Variants in ZNF18 observed in about 807,000 individuals in gnomAD.
ZNF18 encodes zinc finger protein 18.
In ZNF18, 42 loss-of-function variants were observed where a neutral mutation model predicts 58.1. That is an observed-to-expected ratio of 0.72 (90% CI 0.56 to 0.93). ZNF18 has a LOEUF of 0.93. Among genes scored for constraint, ZNF18 ranks in the 40% least tolerant of loss-of-function variants. The pLI is 0.00. For synonymous variants in ZNF18, 231 were observed against 239.8 expected, an observed-to-expected ratio of 0.96 and a Z score of 0.34; for missense variants, 540 against 644.2, an observed-to-expected ratio of 0.84 and a Z score of 1.75.
the ZNF18 span, chr17:12,011,171 A>T: frequency 1.7e-6 from 1 of 574,226 alleles, no homozygotes; most frequent in Non-Finnish European, 3.2e-6. Context: ...GTTTTCTAAA[A>T]CTCCTGGAGA....
Position 11,991,004 on chromosome 17 carries a change from T to G in ZNF18, c.547A>C (p.Lys183Gln). Reference sequence around the variant, plus strand: ...TCTGCTTCTGTGTCAGATTCCTCTTTCACGATGTGGCTCAGAAGCTCCCCA... The same window carrying G: ...TCTGCTTCTGTGTCAGATTCCTCTTGCACGATGTGGCTCAGAAGCTCCCCA... ...GPGELLSHIV[K>Q]EESDTEAELA... Residue 183 changes from lysine (K) to glutamine (Q), a missense_variant, in exon 3 of 7, where the codon AAA becomes CAA. Coordinates refer to ENST00000580306, the MANE Select transcript of ZNF18 (RefSeq NM_001303281.2). 1.2e-6 allele frequency: 2 copies of G among 1,614,164 alleles called. No homozygotes were observed. Among genetic ancestry groups the G allele is most frequent in the Non-Finnish European group, 1.7e-6 (2 of 1,180,016 alleles).
chr17:11,982,675 T>C (rs1390617274), intron 6 of ZNF18, among the ~76,000 whole-genome samples: 2 of 150,850 alleles, frequency 1.3e-5, no homozygotes, highest in Non-Finnish European at 3.0e-5. Flanking sequence ...TGTGTGTGTG[T>C]GTGTGTGTGT....
chr17:11,992,910 C>T lies in ZNF18; in HGVS notation c.-81G>A. On this transcript the variant is annotated splice_region_variant and 5_prime_UTR_variant, in exon 2 of 7. Coordinates refer to ENST00000580306, the MANE Select transcript of ZNF18 (RefSeq NM_001303281.2). ...GGCAAGAACTAGGTCTTCACCAGGA[C>T]ACTAAAAAGGGAATGAGATTGAGTG... is the stretch of plus-strand genomic sequence containing the variant. 1 of 1,464,866 alleles carries T rather than the reference C, an allele frequency of 6.8e-7. No homozygotes were observed. Among genetic ancestry groups the T allele is most frequent in the South Asian group, 1.3e-5 (1 of 75,278 alleles). 90.7% of individuals were successfully genotyped at this position (1,464,866 alleles called of 1,614,324 possible). A position where few individuals can be genotyped will look rare whatever the true frequency, so the allele number is the denominator to read the frequency against.
At chr17:12,010,344 G>A in the ZNF18 span, among the ~76,000 whole-genome samples, 1 of 152,004 alleles carries the variant, frequency 6.6e-6, no homozygotes, top group South Asian at 2.1e-4. Flanking sequence ...AAAGTTTTGT[G>A]TAAGTAAAAT....
intron 1 of ZNF18, among the ~76,000 whole-genome samples, chr17:11,995,327 T>G (rs1177811246): frequency 6.6e-6 from 1 of 150,518 alleles, no homozygotes; most frequent in Admixed American, 6.6e-5. Context: ...GCAGGAGAAT[T>G]GCTTGAACCC....
chr17:12,004,486 T>A, the ZNF18 span, among the ~76,000 whole-genome samples: 2 of 152,208 alleles, frequency 1.3e-5, no homozygotes, highest in Non-Finnish European at 1.5e-5. Context: ...GTTACACTTC[T>A]AACTTGAGTC....
chr17:12,012,777 G>A, the ZNF18 span, among the ~76,000 whole-genome samples: 4 of 152,168 alleles, frequency 2.6e-5, no homozygotes, highest in Admixed American at 6.6e-5. Context: ...CTGGGCTCAA[G>A]TGATCCTCCT....
At chr17:12,002,451 A>G (rs1968676012), upstream of ZNF18, 1 of 152,150 alleles carries the variant, frequency 6.6e-6, no homozygotes, top group Non-Finnish European at 1.5e-5. Context: ...TTAATTAGGG[A>G]AAAAAATAGT....
In ZNF18 at chr17:11,978,576, G is replaced by C; in HGVS notation, c.1031C>G (p.Pro344Arg). The change falls in exon 7 of 7, where the codon CCT (proline) becomes CGT (arginine). Residue 344 changes from proline to arginine, a missense_variant. Coordinates refer to ENST00000580306, the MANE Select transcript of ZNF18 (RefSeq NM_001303281.2). ...PGCFGEGENL[P>R]EALQNIQDEG... Reference sequence around the variant, plus strand: ...ATCCTGAATGTTTTGCAGAGCCTCAGGGAGATTCTCTCCTTCTCCAAAGCA... The same window carrying C: ...ATCCTGAATGTTTTGCAGAGCCTCACGGAGATTCTCTCCTTCTCCAAAGCA... 1 of 1,614,060 alleles carries C rather than the reference G, an allele frequency of 6.2e-7. No individual in the cohort carries two copies. The highest frequency in any genetic ancestry group is 8.5e-7 in the Non-Finnish European group (1 of 1,180,008).
chr17:12,011,695 ATTTTTTTTTTTT>A, the ZNF18 span, among the ~76,000 whole-genome samples: 2 of 87,606 alleles, frequency 2.3e-5, no homozygotes, highest in East Asian at 3.5e-4. Context: ...AATGTTCTTA[ATTTTTTTTTTTT>A]TTTTTTTTTT....
At chr17:11,986,589 A>C (rs994953619) in intron 4 of ZNF18, among the ~76,000 whole-genome samples, 1 of 152,226 alleles carries the variant, frequency 6.6e-6, no homozygotes, top group African/African-American at 2.4e-5. Flanking sequence ...TAATTTTTAA[A>C]GTATAAACAG....
intron 1 of ZNF18, among the ~76,000 whole-genome samples, chr17:11,994,155 G>C (rs2151487259): frequency 6.6e-6 from 1 of 152,166 alleles, no homozygotes; most frequent in Non-Finnish European, 1.5e-5. Flanking sequence ...ATCACTTGAG[G>C]ATCTGGCTTA....
chr17:12,012,087 G>A, the ZNF18 span, among the ~76,000 whole-genome samples: 3 of 152,112 alleles, frequency 2.0e-5, no homozygotes, highest in Non-Finnish European at 4.4e-5. Context: ...AATGTAAAGT[G>A]TCCCTCTCAA....
At chr17:11,986,123 C>T (rs1358308002) in intron 4 of ZNF18, among the ~76,000 whole-genome samples, 3 of 152,186 alleles carry the variant, frequency 2.0e-5, no homozygotes, top group Non-Finnish European at 2.9e-5. Context: ...AGATAACATC[C>T]GATGGCTTTA....
intron 6 of ZNF18, among the ~76,000 whole-genome samples, chr17:11,979,130 A>T (rs1290442106): frequency 3.6e-5 from 3 of 83,072 alleles, no homozygotes; most frequent in African/African-American, 9.4e-5. Context: ...TATGGTAACT[A>T]AAAAAAAAAA....
chr17:11,984,601 C>T (rs1039143611), intron 4 of ZNF18, among the ~76,000 whole-genome samples: 113 of 152,042 alleles, frequency 7.4e-4, no homozygotes, highest in African/African-American at 2.6e-3. Context: ...GCAACCTCCA[C>T]CTCCCAGGTT....
intron 1 of ZNF18, among the ~76,000 whole-genome samples, chr17:11,994,287 A>T (rs1968323735): frequency 6.6e-6 from 1 of 152,220 alleles, no homozygotes; most frequent in Non-Finnish European, 1.5e-5. Context: ...AAATCATTTA[A>T]AAACTAAAAA....
chr17:11,987,478 G>A lies in ZNF18; in HGVS notation c.666+2984C>T, dbSNP rs536560252. Among the ~76,000 whole-genome samples, 5 of 152,274 alleles carry A rather than the reference G, an allele frequency of 3.3e-5. No individual in the cohort carries two copies. In the Middle Eastern group the frequency reaches 0.01, roughly 311 times the overall value. ...TGCAAATAATTGCTGTTAGTTTGGA[G>A]GGGATATTCAGATTGGGTAGGGACA... On this transcript the variant is annotated intron_variant, in intron 4 of 6. Coordinates refer to ENST00000580306, the MANE Select transcript of ZNF18 (RefSeq NM_001303281.2).
rs1006469420 is a variant in ZNF18 at position 11,977,578 on chromosome 17, G to C, written c.*379C>G. On this transcript the variant is annotated 3_prime_UTR_variant, in exon 7 of 7. Transcript: ENST00000580306. ...CTTCTGGAACAGAAGACCTGCTCTA[G>C]AACTCATTTTAAGGGGCTGATCTGA... is the stretch of plus-strand genomic sequence containing the variant. 1.7e-5 allele frequency: 3 copies of C among 173,684 alleles called. No individual in the cohort carries two copies. Among genetic ancestry groups the C allele is most frequent in the Non-Finnish European group, 2.5e-5 (2 of 81,126 alleles). The allele number at this position is 173,684 out of a possible 1,614,324, so 10.8% of individuals were successfully genotyped here. A position where few individuals can be genotyped will look rare whatever the true frequency, so the allele number is the denominator to read the frequency against.
Sources: gnomAD v4.1 joint callset for allele counts (sites outside exome capture counted in the v4.1 genomes callset) on GRCh38, gnomAD v4.1.1 for gene constraint, MANE v1.5 for transcripts, NCBI Gene and HGNC (gene_info 2026-07-23, HGNC 2026-07-21) for gene names.